The following SLC9A9 variants were observed in gnomAD, a reference collection of about 807,000 sequenced individuals.
SLC9A9 encodes the protein solute carrier family 9 member A9.
A neutral mutation model predicts 77.8 loss-of-function variants in SLC9A9; 62 were observed. The ratio of observed to expected loss-of-function variants is 0.80; its 90% confidence interval spans 0.65 to 0.98. SLC9A9 has a LOEUF of 0.98. Among genes scored for constraint, SLC9A9 ranks in the 50% least tolerant of loss-of-function variants. The pLI is 0.00. For synonymous variants in SLC9A9, 320 were observed against 283.5 expected (o/e 1.13, Z -1.29); for missense variants, 775 against 774.9 (o/e 1.00, Z 0.00).
Position 143,266,827 on chromosome 3 carries a change from G to A in SLC9A9, c.1813C>T (p.Leu605=), listed in dbSNP as rs2108393454. ...GGTGAAGCTTTCTGGTCCAGACCTA[G>A]CCTTGCAGGAGGACTGCAGGGTGAG... ...ASSPCSPPAR[L]GLDQKASPQT... The change falls in exon 16 of 16, where the codon CTA becomes TTA. Residue 605 remains leucine (L), a synonymous_variant. Transcript: ENST00000316549. 1 of 1,614,186 alleles carries A rather than the reference G, an allele frequency of 6.2e-7. No individual in the cohort carries two copies. The highest frequency in any genetic ancestry group is 1.1e-5 in the South Asian group (1 of 91,090).
intron 12 of SLC9A9, among the ~76,000 whole-genome samples, chr3:143,448,121 A>C (rs924844853): frequency 6.6e-6 from 1 of 152,312 alleles, no homozygotes; most frequent in East Asian, 1.9e-4. Flanking sequence ...AATGTGCTTC[A>C]TTGGCCAGAC....
In SLC9A9 at chr3:143,835,898, T is replaced by G. The variant is rs540611197; in HGVS notation, c.176-3677A>C. Reference sequence around the variant, plus strand: ...GTTGAGGTTCCTGCATACACAACACTTCTCTGAGATCTGTCCCCTGGCCAG... The same window carrying G: ...GTTGAGGTTCCTGCATACACAACACGTCTCTGAGATCTGTCCCCTGGCCAG... On this transcript the variant is annotated intron_variant, in intron 1 of 15. Transcript: ENST00000316549. 2.6e-5 allele frequency among the ~76,000 whole-genome samples: 4 copies of G among 152,288 alleles called. 1 individual carries two copies. The South Asian group carries it at 8.3e-4, about 32-fold the overall frequency.
chr3:143,606,434 C>CTATATA (rs1427549304), intron 6 of SLC9A9, among the ~76,000 whole-genome samples: 327 of 52,894 alleles, frequency 6.2e-3, no homozygotes, highest in Middle Eastern at 0.024. Context: ...CTCTCTCTCT[C>CTATATA]TCTATATATA....
rs369892484 is a variant in SLC9A9, at chr3:143,800,618, G to A, written c.379-3715C>T. Among the ~76,000 whole-genome samples, 557 of 152,302 alleles carry A rather than the reference G, an allele frequency of 3.7e-3. 2 individuals are homozygous for A. Among genetic ancestry groups the A allele is most frequent in the Non-Finnish European group, 6.1e-3 (415 of 68,028 alleles). ...CCTGGACTGACCCTGACACCCATCA[G>A]TCCCAGCAGTTTACCTGGGCTGTGC... is the stretch of plus-strand genomic sequence containing the variant. On this transcript the variant is annotated intron_variant, in intron 2 of 15. Transcript: ENST00000316549.
intron 9 of SLC9A9, among the ~76,000 whole-genome samples, chr3:143,537,899 A>G (rs2036619794): frequency 6.6e-6 from 1 of 152,084 alleles, no homozygotes. Flanking sequence ...ATTTATAGGA[A>G]TTTTCCTCTT....
chr3:143,795,030 C>T lies in SLC9A9; in HGVS notation c.504G>A (p.Leu168=). Residue 168 remains leucine (L), a synonymous_variant, in exon 4 of 16, where the codon TTG becomes TTA. Coordinates refer to ENST00000316549, the MANE Select transcript of SLC9A9 (RefSeq NM_173653.4). Reference sequence around the variant, plus strand: ...TGACGATGCAGGAGATGGCAGTTCCCAAGAAGGCATACGTTAAAATAGATC... The same window carrying T: ...TGACGATGCAGGAGATGGCAGTTCCTAAGAAGGCATACGTTAAAATAGATC... ...NLGSILTYAF[L]GTAISCIVIG... is the part of the protein sequence containing the mutation. The T allele has an allele frequency of 5.6e-6, 9 of 1,613,700 alleles. No homozygotes were observed. The highest frequency in any genetic ancestry group is 7.6e-6 in the Non-Finnish European group (9 of 1,179,902).
intron 12 of SLC9A9, among the ~76,000 whole-genome samples, chr3:143,458,422 A>C (rs2035131440): frequency 6.6e-6 from 1 of 152,090 alleles, no homozygotes; most frequent in African/African-American, 2.4e-5. Flanking sequence ...ATTTAGATTT[A>C]ATGTAATTAT....
chr3:143,426,861 A>C (rs1170769501), intron 12 of SLC9A9, among the ~76,000 whole-genome samples: 1 of 152,202 alleles, frequency 6.6e-6, no homozygotes, highest in Non-Finnish European at 1.5e-5. Flanking sequence ...TATAATCCAC[A>C]GTTTACAACA....
intron 5 of SLC9A9, among the ~76,000 whole-genome samples, chr3:143,678,448 T>A (rs1286017132): frequency 6.6e-6 from 1 of 152,214 alleles, no homozygotes; most frequent in Non-Finnish European, 1.5e-5. Context: ...TACATTTTAA[T>A]TCTTCTAAAT....
chr3:143,441,031 A>G (rs55906926), intron 12 of SLC9A9, among the ~76,000 whole-genome samples: 19,433 of 152,198 alleles, frequency 0.13, 1,284 homozygotes, highest in Middle Eastern at 0.19. Flanking sequence ...CTGTGCTGAC[A>G]TATTCTTGTT....
chr3:143,839,553 A>G (rs1443341945), intron 1 of SLC9A9, among the ~76,000 whole-genome samples: 2 of 152,222 alleles, frequency 1.3e-5, no homozygotes, highest in Admixed American at 6.5e-5. Flanking sequence ...ATGCACACAC[A>G]TATAGCACAT....
chr3:143,565,248 T>G (rs1298484302), intron 8 of SLC9A9, among the ~76,000 whole-genome samples: 1 of 152,174 alleles, frequency 6.6e-6, no homozygotes, highest in Non-Finnish European at 1.5e-5. Context: ...AATCAACCAC[T>G]GACCCAACAG....
chr3:143,312,920 T>C (rs59614631), intron 14 of SLC9A9: 4,809 of 152,342 alleles, frequency 0.032, 106 homozygotes, highest in African/African-American at 0.068. Flanking sequence ...CTTCTTTAGA[T>C]AGACACTTTC....
intron 9 of SLC9A9, among the ~76,000 whole-genome samples, chr3:143,533,191 A>G (rs1439212811): frequency 6.6e-6 from 1 of 152,250 alleles, no homozygotes; most frequent in African/African-American, 2.4e-5. Flanking sequence ...TGAACAAACC[A>G]GACCAAGTCC....
intron 14 of SLC9A9, among the ~76,000 whole-genome samples, chr3:143,304,625 A>G (rs2030695405): frequency 6.6e-6 from 1 of 152,224 alleles, no homozygotes; most frequent in South Asian, 2.1e-4. Context: ...GAGACACCCA[A>G]GATCTATCTT....
chr3:143,350,797 T>C (rs1361289981), intron 14 of SLC9A9, among the ~76,000 whole-genome samples: 1 of 152,194 alleles, frequency 6.6e-6, no homozygotes, highest in Non-Finnish European at 1.5e-5. Flanking sequence ...AGCAGCCAGA[T>C]CTTCAAACTC....
chr3:143,464,080 C>T (rs997249703), intron 12 of SLC9A9, among the ~76,000 whole-genome samples: 5 of 152,250 alleles, frequency 3.3e-5, no homozygotes, highest in East Asian at 1.9e-4. Context: ...GGGAAGGCCA[C>T]GTAAAGTAGA....
chr3:143,387,894 C>T (rs1434101043), intron 12 of SLC9A9, among the ~76,000 whole-genome samples: 1 of 152,116 alleles, frequency 6.6e-6, no homozygotes, highest in Non-Finnish European at 1.5e-5. Context: ...TGATTCTTAC[C>T]ACTTAGCACC....
At chr3:143,401,921 A>C (rs1228342108) in intron 12 of SLC9A9, among the ~76,000 whole-genome samples, 3 of 152,202 alleles carry the variant, frequency 2.0e-5, no homozygotes, top group African/African-American at 7.2e-5. Flanking sequence ...AGTTCTCAGA[A>C]GTCTTTCTAG....
Sources: gnomAD v4.1 joint callset for allele counts (sites outside exome capture counted in the v4.1 genomes callset) on GRCh38, gnomAD v4.1.1 for gene constraint, MANE v1.5 for transcripts, NCBI Gene and HGNC (gene_info 2026-07-23, HGNC 2026-07-21) for gene names.